The following KCNK2 variants were observed in gnomAD, a reference collection of about 807,000 sequenced individuals.
KCNK2 encodes the protein potassium two pore domain channel subfamily K member 2, also known as potassium channel subfamily K member 2.
In KCNK2, 21 loss-of-function variants were observed where a neutral mutation model predicts 40.5. The observed-to-expected ratio is 0.52, with a 90% confidence interval of 0.37 to 0.75. The LOEUF (loss-of-function observed/expected upper bound fraction) is 0.75. Ranked by LOEUF, KCNK2 falls within the 30% of genes least tolerant of loss-of-function variation. The pLI is 0.00. For missense variants in KCNK2, 399 were observed against 531.6 expected, an observed-to-expected ratio of 0.75 and a Z score of 2.45; for synonymous variants, 191 against 202.2, an observed-to-expected ratio of 0.94 and a Z score of 0.47.
chr1:215,133,815 AGG>A (rs1661777428), intron 3 of KCNK2, among the ~76,000 whole-genome samples: 1 of 152,182 alleles, frequency 6.6e-6, no homozygotes, highest in Admixed American at 6.5e-5. Context: ...CCAAATGGAA[AGG>A]AATTCCATAC....
chr1:215,080,348 G>A (rs1339530838), upstream of KCNK2, among the ~76,000 whole-genome samples: 1 of 152,060 alleles, frequency 6.6e-6, no homozygotes, highest in African/African-American at 2.4e-5. Flanking sequence ...CGAACAAAAT[G>A]GGAAAAATGA....
chr1:215,090,429 T>C (rs1262022972), intron 2 of KCNK2, among the ~76,000 whole-genome samples: 1 of 152,198 alleles, frequency 6.6e-6, no homozygotes, highest in Non-Finnish European at 1.5e-5. Context: ...TGATGTAAAG[T>C]TTCCTGTTAT....
At chr1:215,047,848 T>C (rs1182573508) in intron 1 of KCNK2, among the ~76,000 whole-genome samples, 6 of 152,306 alleles carry the variant, frequency 3.9e-5, no homozygotes. Flanking sequence ...TAGAACTCTG[T>C]GAATAGCGGT....
upstream of KCNK2, among the ~76,000 whole-genome samples, chr1:215,080,606 ATAT>A (rs59009788): frequency 0.32 from 49,313 of 151,950 alleles, 9,793 homozygotes; most frequent in African/African-American, 0.56. Flanking sequence ...GTTACTGCAG[ATAT>A]TATGGTGAAC....
At chr1:215,122,641 C>A (rs971439588) in intron 2 of KCNK2, among the ~76,000 whole-genome samples, 1 of 151,616 alleles carries the variant, frequency 6.6e-6, no homozygotes, top group African/African-American at 2.4e-5. Flanking sequence ...AGAAATATTG[C>A]TAAGCATTTG....
chr1:215,206,863 G>C (rs956444250), intron 6 of KCNK2, among the ~76,000 whole-genome samples: 2 of 152,186 alleles, frequency 1.3e-5, no homozygotes, highest in African/African-American at 4.8e-5. Context: ...AAGTCCTGCA[G>C]ATAATTTAAG....
In KCNK2 at chr1:215,086,741, G is replaced by A. The variant is rs1558084439; in HGVS notation, c.357+63G>A. 1.2e-5 allele frequency: 17 copies of A among 1,467,338 alleles called. No homozygotes were observed. The South Asian group carries it at 2.0e-4, about 17-fold the overall frequency. 90.9% of individuals were successfully genotyped at this position (1,467,338 alleles called of 1,614,324 possible). On this transcript the variant is annotated intron_variant, in intron 2 of 6. Coordinates refer to ENST00000444842, the MANE Select transcript of KCNK2 (RefSeq NM_001017425.3). ...AATGGGAAATAAAGTGATAGGAGGAGACAACTTGTAGCCCAGTGTATTACA... is the reference window on the plus strand; with the variant it reads ...AATGGGAAATAAAGTGATAGGAGGAAACAACTTGTAGCCCAGTGTATTACA...
rs138103238 is a variant in KCNK2, at chr1:215,011,750, C to T, written c.34+5795C>T. On this transcript the variant is annotated intron_variant, in intron 1 of 6. Transcript: ENST00000391895. ...CCTCCCGAGTAGCTGGGACTACAGG[C>T]GCGTGCTACCACGCCCAGCTATATT... Among the ~76,000 whole-genome samples, 571 of 152,138 alleles carry T rather than the reference C, an allele frequency of 3.8e-3. 1 individual carries two copies. Among genetic ancestry groups the T allele is most frequent in the African/African-American group, 0.013 (547 of 41,516 alleles).
At chr1:215,016,700 G>A (rs940160135) in intron 1 of KCNK2, among the ~76,000 whole-genome samples, 4 of 152,276 alleles carry the variant, frequency 2.6e-5, no homozygotes, top group Non-Finnish European at 2.9e-5. Flanking sequence ...ACAATGTTTT[G>A]TATATGAACC....
At chr1:215,187,864 A>AG (rs1242657079) in intron 5 of KCNK2, among the ~76,000 whole-genome samples, 2 of 151,814 alleles carry the variant, frequency 1.3e-5, no homozygotes, top group Non-Finnish European at 2.9e-5. Context: ...AAAAAAAAAA[A>AG]AAAGAGGAAA....
intron 2 of KCNK2, among the ~76,000 whole-genome samples, chr1:215,114,166 C>A (rs774169751): frequency 1.3e-5 from 2 of 152,096 alleles, no homozygotes; most frequent in African/African-American, 4.8e-5. Context: ...CAGCCTCATG[C>A]TTATTATGAG....
At chr1:215,081,615 T>TC (rs1421673758), upstream of KCNK2, among the ~76,000 whole-genome samples, 1 of 152,126 alleles carries the variant, frequency 6.6e-6, no homozygotes, top group Admixed American at 6.5e-5. Context: ...TCTATATTTT[T>TC]CACTAAGAAG....
intron 3 of KCNK2, among the ~76,000 whole-genome samples, chr1:215,154,202 C>T (rs1381417407): frequency 6.6e-6 from 1 of 151,990 alleles, no homozygotes; most frequent in Non-Finnish European, 1.5e-5. Flanking sequence ...ACTAATTTAC[C>T]GTCTCACCAA....
At chr1:215,139,136 A>G (rs1321371357) in intron 3 of KCNK2, among the ~76,000 whole-genome samples, 1 of 152,226 alleles carries the variant, frequency 6.6e-6, no homozygotes, top group Non-Finnish European at 1.5e-5. Flanking sequence ...TAAAGAATGT[A>G]GAGTGACAGG....
chr1:215,042,035 T>G (rs1657585304), intron 1 of KCNK2, among the ~76,000 whole-genome samples: 1 of 152,104 alleles, frequency 6.6e-6, no homozygotes, highest in Non-Finnish European at 1.5e-5. Flanking sequence ...CTATCAGATC[T>G]CATGAGACTT....
At chr1:215,019,890 A>G (rs1656728987) in intron 1 of KCNK2, among the ~76,000 whole-genome samples, 2 of 152,006 alleles carry the variant, frequency 1.3e-5, no homozygotes, top group Admixed American at 1.3e-4. Context: ...GGAGACTACA[A>G]TTTTTCAAAA....
chr1:215,153,657 G>A (rs1257981281), intron 3 of KCNK2, among the ~76,000 whole-genome samples: 1 of 151,560 alleles, frequency 6.6e-6, no homozygotes, highest in East Asian at 1.9e-4. Context: ...CGGGATACGT[G>A]TGCAGAACGT....
At chr1:215,095,928 C>T (rs1659957968) in intron 2 of KCNK2, among the ~76,000 whole-genome samples, 1 of 152,070 alleles carries the variant, frequency 6.6e-6, no homozygotes, top group South Asian at 2.1e-4. Context: ...TTTGCTAAAA[C>T]GTGTGTGACT....
rs184079514 is a variant in KCNK2 at position 215,067,844 on chromosome 1, G to A, written c.35-18524G>A. The stretch of plus-strand genomic sequence containing the variant: ...CGGTGCCACTTGTACTCCAGCCTTG[G>A]TGACAGAGTGAGACTCCATCTCAAA... On this transcript the variant is annotated intron_variant, in intron 1 of 6. Transcript: ENST00000391895. Among the ~76,000 whole-genome samples, 33 of 152,190 alleles carry A rather than the reference G, an allele frequency of 2.2e-4. No individual in the cohort carries two copies. In the East Asian group the frequency reaches 6.4e-3, roughly 29 times the overall value.
Sources: gnomAD v4.1 joint callset for allele counts (sites outside exome capture counted in the v4.1 genomes callset) on GRCh38, gnomAD v4.1.1 for gene constraint, MANE v1.5 for transcripts, NCBI Gene and HGNC (gene_info 2026-07-23, HGNC 2026-07-21) for gene names.